Variants in HSD17B4 observed in about 807,000 individuals in gnomAD.
HSD17B4 encodes hydroxysteroid 17-beta dehydrogenase 4.
Under a neutral mutation model 101.0 loss-of-function variants are expected in HSD17B4, and 70 were observed. The ratio of observed to expected loss-of-function variants is 0.69; its 90% CI spans 0.57 to 0.85. HSD17B4 has a LOEUF of 0.85. Among genes scored for constraint, HSD17B4 ranks in the 40% least tolerant of loss-of-function variants. The pLI is 0.00. For missense variants in HSD17B4, 984 were observed against 892.4 expected, an observed-to-expected ratio of 1.10 and a Z score of -1.31; for synonymous variants, 347 against 297.1, an observed-to-expected ratio of 1.17 and a Z score of -1.73.
At chr5:119,458,062 C>A (rs1156401674) in intron 2 of HSD17B4, among the ~76,000 whole-genome samples, 2 of 152,200 alleles carry the variant, frequency 1.3e-5, no homozygotes, top group Non-Finnish European at 2.9e-5. Context: ...AAAAATTAAA[C>A]AGAGATGCTG....
At chr5:119,472,876 A>G (rs776985204) in intron 2 of HSD17B4, among the ~76,000 whole-genome samples, 3 of 152,210 alleles carry the variant, frequency 2.0e-5, no homozygotes, top group South Asian at 2.1e-4. Flanking sequence ...TCATGCCAGT[A>G]TTTGTCCTTT....
At chr5:119,501,075 A>G (rs1383826182) in intron 13 of HSD17B4, among the ~76,000 whole-genome samples, 2 of 152,166 alleles carry the variant, frequency 1.3e-5, no homozygotes, top group African/African-American at 2.4e-5. Flanking sequence ...TGTGCTGGGC[A>G]GTTTGCTGTT....
chr5:119,539,756 G>T (rs1226265610), intron 23 of HSD17B4, among the ~76,000 whole-genome samples: 1 of 151,746 alleles, frequency 6.6e-6, no homozygotes, highest in Non-Finnish European at 1.5e-5. Context: ...GTATTTTTAA[G>T]GTTGGGATAA....
chr5:119,481,132 A>G, intron 8 of HSD17B4, among the ~76,000 whole-genome samples: 1 of 152,216 alleles, frequency 6.6e-6, no homozygotes, highest in Non-Finnish European at 1.5e-5. Flanking sequence ...AGATTAAAGT[A>G]AAGACAGGCA....
At chr5:119,520,199 G>T (rs1752991607) in intron 17 of HSD17B4, among the ~76,000 whole-genome samples, 1 of 151,570 alleles carries the variant, frequency 6.6e-6, no homozygotes, top group Admixed American at 6.6e-5. Flanking sequence ...AAGACTCTGG[G>T]TTGACTGGGT....
At chr5:119,532,785 A>G (rs1048863070) in intron 22 of HSD17B4, among the ~76,000 whole-genome samples, 8 of 152,134 alleles carry the variant, frequency 5.3e-5, no homozygotes, top group Non-Finnish European at 8.8e-5. Context: ...TGTGGCCTAC[A>G]GAATAGTCTG....
chr5:119,536,272 G>GA, intron 22 of HSD17B4, 151 bp from the exon 23 acceptor site: 1 of 721,764 alleles, frequency 1.4e-6, no homozygotes, highest in South Asian at 1.7e-5. Context: ...CTAAATGACA[G>GA]ATAATGTATA....
intron 4 of HSD17B4, among the ~76,000 whole-genome samples, chr5:119,475,486 AGTTT>A (rs1170366193): frequency 3.3e-5 from 5 of 152,124 alleles, no homozygotes; most frequent in Non-Finnish European, 7.4e-5. Flanking sequence ...TATAGATGTT[AGTTT>A]GAGAGGAAGG....
chr5:119,531,463 T>A, intron 22 of HSD17B4, 59 bp downstream of exon 22: 5 of 1,523,488 alleles, frequency 3.3e-6, no homozygotes, highest in Non-Finnish European at 4.5e-6. Flanking sequence ...ATAAAGTATC[T>A]TTTTAACAAT....
chr5:119,479,122 A>G, intron 8 of HSD17B4, 101 bp downstream of exon 8: 1 of 882,774 alleles, frequency 1.1e-6, no homozygotes, highest in Non-Finnish European at 1.8e-6. Flanking sequence ...AAAAATTATT[A>G]TTTTTTTCAA....
chr5:119,503,947 G>C (rs1326407570), intron 14 of HSD17B4, among the ~76,000 whole-genome samples: 1 of 151,872 alleles, frequency 6.6e-6, no homozygotes, highest in Non-Finnish European at 1.5e-5. Flanking sequence ...CCCTACTCTA[G>C]TAGTCCCCAT....
At chr5:119,475,616 A>G (rs1748507521) in intron 4 of HSD17B4, 90 bp from the exon 5 acceptor site, 3 of 1,041,740 alleles carry the variant, frequency 2.9e-6, no homozygotes, top group Non-Finnish European at 4.5e-6. Flanking sequence ...ATGGTTAAAA[A>G]ACGCCAGTTT....
chr5:119,467,510 C>T (rs1320325843), intron 2 of HSD17B4, among the ~76,000 whole-genome samples: 1 of 152,164 alleles, frequency 6.6e-6, no homozygotes, highest in Non-Finnish European at 1.5e-5. Context: ...GTTATGTCCT[C>T]TTGCTGAAAT....
chr5:119,491,131 T>C (rs1055694703), intron 9 of HSD17B4, among the ~76,000 whole-genome samples: 6 of 152,178 alleles, frequency 3.9e-5, no homozygotes, highest in African/African-American at 1.4e-4. Context: ...AGCAATTGTT[T>C]TTAGCACCTG....
chr5:119,480,259 A>C (rs1748994877), intron 8 of HSD17B4, among the ~76,000 whole-genome samples: 1 of 152,026 alleles, frequency 6.6e-6, no homozygotes. Flanking sequence ...TATGTTTTAG[A>C]AATTTTTTTT....
At chr5:119,463,084 C>T (rs1184884313) in intron 2 of HSD17B4, among the ~76,000 whole-genome samples, 1 of 152,174 alleles carries the variant, frequency 6.6e-6, no homozygotes, top group African/African-American at 2.4e-5. Flanking sequence ...TTAGCTTCCA[C>T]ATATGAGTGA....
chr5:119,540,686 G>A (rs1254467221), intron 23 of HSD17B4, among the ~76,000 whole-genome samples: 2 of 152,080 alleles, frequency 1.3e-5, no homozygotes, highest in African/African-American at 4.8e-5. Flanking sequence ...AGCTCTCTCT[G>A]ACTATTTCTG....
intron 2 of HSD17B4, chr5:119,471,719 G>T: frequency 7.7e-7 from 1 of 1,299,402 alleles, no homozygotes; most frequent in Non-Finnish European, 1.1e-6. Flanking sequence ...CTTAAGTTCT[G>T]TTTTTCCAAG....
Position 119,536,457 on chromosome 5 carries a change from C to T in HSD17B4, c.2028C>T (p.Tyr676=). The change falls in exon 23 of 24, where the codon TAC becomes TAT. Residue 676 remains tyrosine (Y), a synonymous_variant. Coordinates refer to ENST00000510025, the MANE Select transcript of HSD17B4 (RefSeq NM_000414.4). ...IDLKSGSGKV[Y]QGPAKGAADT... ...TGAAAAGTGGTTCTGGAAAAGTGTACCAAGGCCCTGCAAAAGGTGCTGCTG... is the reference window on the plus strand; with the variant it reads ...TGAAAAGTGGTTCTGGAAAAGTGTATCAAGGCCCTGCAAAAGGTGCTGCTG... 1 of 1,612,196 alleles carries T rather than the reference C, an allele frequency of 6.2e-7. No homozygotes were observed. The highest frequency in any genetic ancestry group is 8.5e-7 in the Non-Finnish European group (1 of 1,178,598).
Sources: allele counts gnomAD v4.1 joint callset (sites outside exome capture counted in the v4.1 genomes callset), GRCh38; gene constraint gnomAD v4.1.1; transcripts MANE v1.5; gene names NCBI Gene and HGNC (gene_info 2026-07-23, HGNC 2026-07-21).